GRM7: variants seen among roughly 807,000 people sequenced by gnomAD.
The protein encoded by GRM7 is glutamate metabotropic receptor 7.
GRM7 carries 35 observed loss-of-function variants against 84.5 expected under a neutral mutation model. That is an observed-to-expected ratio of 0.41 (90% CI 0.32 to 0.55). The LOEUF is 0.55. Ranked by LOEUF, GRM7 falls within the 20% of genes least tolerant of loss-of-function variation. The pLI is 0.19. For synonymous variants in GRM7, 487 were observed against 455.1 expected (o/e 1.07, Z -0.89); for missense variants, 1,003 against 1,194.6 (o/e 0.84, Z 2.36).
At chr3:6,990,783 G>C (rs1042398087) in intron 1 of GRM7, among the ~76,000 whole-genome samples, 1 of 152,128 alleles carries the variant, frequency 6.6e-6, no homozygotes, top group African/African-American at 2.4e-5. Flanking sequence ...CTAGTGAGAT[G>C]TGCTTTCTCT....
intron 2 of GRM7, among the ~76,000 whole-genome samples, chr3:7,227,245 C>G (rs1697013812): frequency 6.6e-6 from 1 of 152,104 alleles, no homozygotes; most frequent in Non-Finnish European, 1.5e-5. Flanking sequence ...TTATATGAAT[C>G]AATGGCAAAT....
chr3:7,601,331 A>G (rs1696303007), intron 8 of GRM7, among the ~76,000 whole-genome samples: 1 of 152,122 alleles, frequency 6.6e-6, no homozygotes, highest in Non-Finnish European at 1.5e-5. Flanking sequence ...ATTTCCAAAG[A>G]GGTCTTTGGC....
chr3:7,203,493 A>G (rs528348076), intron 2 of GRM7, among the ~76,000 whole-genome samples: 14 of 152,198 alleles, frequency 9.2e-5, no homozygotes, highest in African/African-American at 3.4e-4. Context: ...TCTTTCACCC[A>G]TTGATGGGCT....
chr3:7,631,305 C>T (rs971619789), intron 8 of GRM7, among the ~76,000 whole-genome samples: 5 of 152,110 alleles, frequency 3.3e-5, no homozygotes, highest in African/African-American at 1.2e-4. Context: ...CACTTGGTGC[C>T]TCGGGTAGAA....
chr3:7,653,082 C>G (rs1425787851), intron 8 of GRM7, among the ~76,000 whole-genome samples: 1 of 151,454 alleles, frequency 6.6e-6, no homozygotes, highest in African/African-American at 2.4e-5. Context: ...AGCTCCTACT[C>G]TTACTGAATA....
intron 1 of GRM7, among the ~76,000 whole-genome samples, chr3:7,032,673 G>A (rs1327826711): frequency 1.3e-5 from 2 of 152,050 alleles, no homozygotes; most frequent in Admixed American, 6.6e-5. Flanking sequence ...CATAGGAAGT[G>A]ACTAGTAAAA....
intron 2 of GRM7, among the ~76,000 whole-genome samples, chr3:7,217,377 A>G (rs971621623): frequency 2.1e-4 from 32 of 152,120 alleles, no homozygotes; most frequent in Non-Finnish European, 4.0e-4. Flanking sequence ...CTTCAACTTT[A>G]TTACCTACAA....
At chr3:7,257,100 C>A (rs181902886) in intron 2 of GRM7, among the ~76,000 whole-genome samples, 1 of 151,912 alleles carries the variant, frequency 6.6e-6, no homozygotes, top group Admixed American at 6.6e-5. Context: ...AATAGGTCAA[C>A]CCTTAGTTAA....
At chr3:7,406,519 T>G (rs1425680595) in intron 4 of GRM7, among the ~76,000 whole-genome samples, 4 of 152,018 alleles carry the variant, frequency 2.6e-5, no homozygotes, top group Non-Finnish European at 4.4e-5. Flanking sequence ...TCATAAAAAT[T>G]ATTAAACATA....
At chr3:7,696,678 G>C (rs1340864276) in intron 9 of GRM7, among the ~76,000 whole-genome samples, 3 of 152,158 alleles carry the variant, frequency 2.0e-5, no homozygotes, top group Admixed American at 2.0e-4. Context: ...TCAAATTGAC[G>C]TGTCTTATTT....
In GRM7 at chr3:7,486,330, T is replaced by C. The variant is rs1187723931; in HGVS notation, c.1515+24608T>C. Among the ~76,000 whole-genome samples, 1 of 152,176 alleles carries C rather than the reference T, an allele frequency of 6.6e-6. No homozygotes were observed. Among genetic ancestry groups the C allele is most frequent in the Admixed American group, 6.5e-5 (1 of 15,268 alleles). ...AAAGGTAGGAAGACTATTTTATTTG[T>C]TTCTATCTCTGCTATGATTTGAATA... On this transcript the variant is annotated intron_variant, in intron 7 of 9. Transcript: ENST00000357716. The surrounding 1 kb of genome is among the most constrained non-coding windows in gnomAD (Gnocchi z 5.5).
intron 1 of GRM7, among the ~76,000 whole-genome samples, chr3:6,910,765 G>T (rs1055398075): frequency 6.6e-6 from 1 of 152,086 alleles, no homozygotes. Context: ...GGAAACCAAA[G>T]CATCTCATTC....
rs778277455 is a variant in GRM7 at position 6,862,072 on chromosome 3, C to T, written c.519+165C>T. 3.9e-5 allele frequency among the ~76,000 whole-genome samples: 6 copies of T among 152,010 alleles called. No homozygotes were observed. Among genetic ancestry groups the T allele is most frequent in the Non-Finnish European group, 5.9e-5 (4 of 68,018 alleles). On this transcript the variant is annotated intron_variant, in intron 1 of 9. Coordinates refer to ENST00000357716, the MANE Select transcript of GRM7 (RefSeq NM_000844.4). This position sits in a 1 kb window ranked among gnomAD's most constrained non-coding sequence, Gnocchi z 5.2. ...CACCCCGCTCGAGGAGATACCTTCC[C>T]TGCTTGGTTTATTTCCCTTCCATCT...
intron 7 of GRM7, among the ~76,000 whole-genome samples, chr3:7,468,097 G>T (rs1698536171): frequency 6.6e-6 from 1 of 152,110 alleles, no homozygotes; most frequent in South Asian, 2.1e-4. Flanking sequence ...CTATAAAACT[G>T]CTAATCACTC....
chr3:7,559,005 G>T (rs1143738), intron 7 of GRM7, among the ~76,000 whole-genome samples: 1 of 151,932 alleles, frequency 6.6e-6, no homozygotes, highest in Non-Finnish European at 1.5e-5. Context: ...TTATTTTGGT[G>T]TTGATTTTGT....
intron 1 of GRM7, among the ~76,000 whole-genome samples, chr3:6,966,260 C>T (rs1693514168): frequency 6.6e-6 from 1 of 152,064 alleles, no homozygotes; most frequent in African/African-American, 2.4e-5. Flanking sequence ...TTAGTGTAGG[C>T]AGGAGGTGAA....
intron 9 of GRM7, among the ~76,000 whole-genome samples, chr3:7,706,362 A>C (rs1392954015): frequency 6.6e-6 from 1 of 152,142 alleles, no homozygotes; most frequent in Non-Finnish European, 1.5e-5. Context: ...AGAATGTTGT[A>C]GTTTGTATGT....
intron 1 of GRM7, among the ~76,000 whole-genome samples, chr3:7,102,823 A>G (rs1451869187): frequency 2.0e-5 from 3 of 151,806 alleles, no homozygotes; most frequent in African/African-American, 7.2e-5. Context: ...GCTATCTACA[A>G]TGTTCTGTTA....
chr3:7,445,806 A>G (rs1193963008), intron 5 of GRM7, among the ~76,000 whole-genome samples: 4 of 152,178 alleles, frequency 2.6e-5, no homozygotes, highest in African/African-American at 9.6e-5. Flanking sequence ...CCCAGTTGAC[A>G]GAGTTATTTA....
Sources: gnomAD v4.1 joint callset for allele counts (sites outside exome capture counted in the v4.1 genomes callset) on GRCh38, gnomAD v4.1.1 for gene constraint, Gnocchi (gnomAD v3.1) non-coding constraint, MANE v1.5 for transcripts, NCBI Gene and HGNC (gene_info 2026-07-23, HGNC 2026-07-21) for gene names.